The following PCSK2 variants were observed in gnomAD, a reference collection of about 807,000 sequenced individuals.
PCSK2 encodes neuroendocrine convertase 2.
PCSK2 carries 14 observed loss-of-function variants against 69.7 expected under a neutral mutation model. The observed-to-expected ratio is 0.20, with a 90% confidence interval of 0.13 to 0.31. The LOEUF (loss-of-function observed/expected upper bound fraction) is 0.31. PCSK2 is among the 10% of genes least tolerant of loss of function. PCSK2 has a pLI of 1.00. For synonymous variants in PCSK2, 307 were observed against 320.7 expected (o/e 0.96, Z 0.46); for missense variants, 544 against 842.5 (o/e 0.65, Z 4.39).
intron 10 of PCSK2, 60 bp downstream of exon 10, chr20:17,456,508 C>A: frequency 2.3e-6 from 2 of 888,828 alleles, no homozygotes; most frequent in Non-Finnish European, 3.7e-6. Context: ...ACGTGTCTCT[C>A]TGCCCACATG....
chr20:17,372,186 T>C (rs906182275), intron 5 of PCSK2, among the ~76,000 whole-genome samples: 1 of 152,052 alleles, frequency 6.6e-6, no homozygotes, highest in African/African-American at 2.4e-5. Flanking sequence ...GAGACCATAC[T>C]GGCTAACACG....
chr20:17,378,276 C>A (rs575722616), intron 5 of PCSK2, among the ~76,000 whole-genome samples: 1 of 149,976 alleles, frequency 6.7e-6, no homozygotes. Flanking sequence ...TTTCTTGGGT[C>A]GATACAGCAT....
intron 6 of PCSK2, among the ~76,000 whole-genome samples, chr20:17,412,186 A>T (rs1395697541): frequency 6.6e-6 from 1 of 152,222 alleles, no homozygotes; most frequent in Non-Finnish European, 1.5e-5. Flanking sequence ...GACTTTGATG[A>T]GTTGACAGAA....
chr20:17,348,090 A>AGAAAGAAAGAAAGAAAGAAT lies in PCSK2; in HGVS notation c.283-10221_283-10220insGAATGAAAGAAAGAAAGAAA, dbSNP rs1568612767. ...AAGAAAGAAAGAAAGAAAGAAAGAA[A>AGAAAGAAAGAAAGAAAGAAT]GAAAGAAAGAAAGAAAAGAAAAGAA... On this transcript the variant is annotated intron_variant, in intron 2 of 11. Coordinates refer to ENST00000262545, the MANE Select transcript of PCSK2 (RefSeq NM_002594.5). Among the ~76,000 whole-genome samples, 234 of 142,818 alleles carry AGAAAGAAAGAAAGAAAGAAT rather than the reference A, an allele frequency of 1.6e-3. 1 individual carries two copies. Among genetic ancestry groups the AGAAAGAAAGAAAGAAAGAAT allele is most frequent in the Middle Eastern group, 7.0e-3 (2 of 284 alleles). The allele number at this position is 142,818 out of a possible 152,430, so 93.7% of individuals were successfully genotyped here. A position where few individuals can be genotyped will look rare whatever the true frequency, so the allele number is the denominator to read the frequency against.
chr20:17,466,797 T>TCATA lies in PCSK2; in HGVS notation c.1430+1246_1430+1249dup, dbSNP rs200794324. Among the ~76,000 whole-genome samples the TCATA allele has an allele frequency of 7.4e-4, 112 of 152,324 alleles. No individual in the cohort carries two copies. In the East Asian group the frequency reaches 0.016, roughly 22 times the overall value. On this transcript the variant is annotated intron_variant, in intron 11 of 11. Transcript: ENST00000262545. Reference sequence around the variant, plus strand: ...CATTCCATCAACCCAGGAAGATTCGTCATACCTGCTTCCAGCTCGTCCACA... The same window carrying TCATA: ...CATTCCATCAACCCAGGAAGATTCGTCATACATACCTGCTTCCAGCTCGTCCACA...
intron 2 of PCSK2, among the ~76,000 whole-genome samples, chr20:17,331,767 TAA>T (rs59201598): frequency 4.8e-5 from 7 of 146,122 alleles, no homozygotes; most frequent in East Asian, 2.0e-4. Flanking sequence ...CTCGTGTGAT[TAA>T]AAAAAAAAAA....
At chr20:17,345,378 G>C (rs1317052471) in intron 2 of PCSK2, among the ~76,000 whole-genome samples, 4 of 152,166 alleles carry the variant, frequency 2.6e-5, no homozygotes, top group Admixed American at 2.6e-4. Flanking sequence ...CAATAAGCCT[G>C]TGAGGTCAAG....
intron 8 of PCSK2, among the ~76,000 whole-genome samples, chr20:17,441,285 G>A (rs1424907106): frequency 6.6e-6 from 1 of 152,172 alleles, no homozygotes; most frequent in Non-Finnish European, 1.5e-5. Context: ...GGTTCTGTTG[G>A]GAAGGTTTGG....
At position 17,483,909 on chromosome 20, in the gene PCSK2, T is replaced by G. The variant is rs2033452990; in HGVS notation, c.*1839T>G. On this transcript the variant is annotated 3_prime_UTR_variant, in exon 12 of 12. Transcript: ENST00000262545. ...GTATAAGTGCACACAGAAATATATA[T>G]ACATATGTAGACTATATACATGTGT... 1 of 152,574 alleles carries G rather than the reference T, an allele frequency of 6.6e-6. No homozygotes were observed. The highest frequency in any genetic ancestry group is 2.1e-4 in the South Asian group (1 of 4,830). 9.5% of individuals were successfully genotyped at this position (152,574 alleles called of 1,614,324 possible). A position where few individuals can be genotyped will look rare whatever the true frequency, so the allele number is the denominator to read the frequency against.
At chr20:17,429,643 A>G in intron 7 of PCSK2, 120 bp downstream of exon 7, 1 of 640,762 alleles carries the variant, frequency 1.6e-6, no homozygotes. Context: ...ATTTGGCACA[A>G]GTGAAAAAAA....
chr20:17,276,479 CAT>C (rs1491047349), intron 2 of PCSK2, among the ~76,000 whole-genome samples: 106 of 150,596 alleles, frequency 7.0e-4, no homozygotes, highest in African/African-American at 2.2e-3. Flanking sequence ...CACACACACA[CAT>C]ACCATGTTTA....
intron 1 of PCSK2, among the ~76,000 whole-genome samples, chr20:17,234,942 G>A (rs975136214): frequency 6.6e-5 from 10 of 152,058 alleles, no homozygotes; most frequent in African/African-American, 2.4e-4. Flanking sequence ...AATAATCACG[G>A]GACAGCTCAA....
chr20:17,336,681 C>T (rs1464912470), intron 2 of PCSK2, among the ~76,000 whole-genome samples: 1 of 152,194 alleles, frequency 6.6e-6, no homozygotes, highest in Non-Finnish European at 1.5e-5. Context: ...AACTACACAT[C>T]ATTGTTCACA....
intron 2 of PCSK2, among the ~76,000 whole-genome samples, chr20:17,276,035 C>T (rs1322284943): frequency 6.6e-6 from 1 of 152,106 alleles, no homozygotes; most frequent in Admixed American, 6.6e-5. Context: ...CAAAAGATGA[C>T]AGCCATGACC....
chr20:17,429,411 ATG>A, intron 6 of PCSK2, 22 bp from the exon 7 acceptor site: 1 of 1,588,980 alleles, frequency 6.3e-7, no homozygotes, highest in East Asian at 2.2e-5. Flanking sequence ...TGCATATCTA[ATG>A]TGTCTTTATA....
chr20:17,311,266 C>A (rs1989502177), intron 2 of PCSK2, among the ~76,000 whole-genome samples: 1 of 152,094 alleles, frequency 6.6e-6, no homozygotes, highest in South Asian at 2.1e-4. Flanking sequence ...TTGAAAACAT[C>A]TACTTTTTAA....
chr20:17,333,084 G>A (rs1049762371), intron 2 of PCSK2, among the ~76,000 whole-genome samples: 56 of 152,182 alleles, frequency 3.7e-4, no homozygotes, highest in African/African-American at 1.3e-3. Flanking sequence ...GTTCACAACT[G>A]AACTGTGGCT....
At chr20:17,372,755 A>G (rs78731979) in intron 5 of PCSK2, among the ~76,000 whole-genome samples, 9,528 of 152,202 alleles carry the variant, frequency 0.063, 486 homozygotes, top group African/African-American at 0.15. Flanking sequence ...ACACCTAACT[A>G]CCTCGTGCTT....
chr20:17,346,052 C>A (rs1451035602), intron 2 of PCSK2, among the ~76,000 whole-genome samples: 1 of 152,220 alleles, frequency 6.6e-6, no homozygotes, highest in East Asian at 1.9e-4. Flanking sequence ...CTTCCAGAAG[C>A]ACATTAATGA....
Sources: allele counts gnomAD v4.1 joint callset (sites outside exome capture counted in the v4.1 genomes callset), GRCh38; gene constraint gnomAD v4.1.1; transcripts MANE v1.5; gene names NCBI Gene and HGNC (gene_info 2026-07-23, HGNC 2026-07-21).